The following PLEKHA8 variants were observed in gnomAD, a reference collection of about 807,000 sequenced individuals.
PLEKHA8 encodes the protein pleckstrin homology domain-containing family A member 8.
In PLEKHA8, 36 loss-of-function variants were observed where a neutral mutation model predicts 68.2. That is an observed-to-expected ratio of 0.53 (90% confidence interval 0.40 to 0.70). PLEKHA8 has a LOEUF of 0.70. Among genes scored for constraint, PLEKHA8 ranks in the 30% least tolerant of loss-of-function variants. The pLI is 0.00. For missense variants in PLEKHA8, 505 were observed against 615.4 expected, an observed-to-expected ratio of 0.82 and a Z score of 1.90; for synonymous variants, 211 against 216.1, an observed-to-expected ratio of 0.98 and a Z score of 0.20.
intron 13 of PLEKHA8, 140 bp from the exon 14 acceptor site, chr7:30,078,450 G>C: frequency 1.2e-6 from 1 of 850,436 alleles, no homozygotes; most frequent in Non-Finnish European, 1.8e-6. Context: ...CAAATTAGAA[G>C]GGTAGTCATA....
At position 30,081,346 on chromosome 7, in the gene PLEKHA8, G is replaced by C. The variant is rs939518997; in HGVS notation, c.*2559G>C. 1.1e-5 allele frequency: 11 copies of C among 982,842 alleles called. No homozygotes were observed. The Admixed American group carries it at 6.8e-4, about 61-fold the overall frequency. 60.9% of individuals were successfully genotyped at this position (982,842 alleles called of 1,614,324 possible). A position where few individuals can be genotyped will look rare whatever the true frequency, so the allele number is the denominator to read the frequency against. On this transcript the variant is annotated 3_prime_UTR_variant, in exon 14 of 14. Coordinates refer to ENST00000449726, the MANE Select transcript of PLEKHA8 (RefSeq NM_001197026.2). The stretch of plus-strand genomic sequence containing the variant: ...TGTGTAAAAGTTTGCTTAAGGAACT[G>C]AGGATCCTTAAATAAAAATATTAGA...
chr7:30,049,430 T>C (rs768149161), intron 5 of PLEKHA8, 48 bp downstream of exon 5: 1 of 1,595,300 alleles, frequency 6.3e-7, no homozygotes, highest in African/African-American at 1.3e-5. Context: ...AAGAAAAGTT[T>C]CAAAGTTTAT....
intron 12 of PLEKHA8, among the ~76,000 whole-genome samples, chr7:30,070,651 A>G (rs746548869): frequency 2.6e-5 from 4 of 151,678 alleles, no homozygotes; most frequent in Admixed American, 2.0e-4. Context: ...GGTTCAAGCA[A>G]TTCTCTGCCT....
At chr7:30,056,377 CATAT>C (rs1426324825) in intron 9 of PLEKHA8, among the ~76,000 whole-genome samples, 1 of 92,704 alleles carries the variant, frequency 1.1e-5, no homozygotes, top group Non-Finnish European at 2.1e-5. Flanking sequence ...ATATAAATAA[CATAT>C]ATATAATATA....
At chr7:30,126,417 T>C (rs756307552) in intron 13 of PLEKHA8, among the ~76,000 whole-genome samples, 1 of 152,240 alleles carries the variant, frequency 6.6e-6, no homozygotes, top group Non-Finnish European at 1.5e-5. Context: ...CCTAAGATCC[T>C]CAGGACAAGA....
intron 13 of PLEKHA8, among the ~76,000 whole-genome samples, chr7:30,127,070 A>G (rs1796784428): frequency 6.6e-6 from 1 of 152,238 alleles, no homozygotes; most frequent in Non-Finnish European, 1.5e-5. Flanking sequence ...GTAAAAGCTC[A>G]ATAAGAATAT....
intron 4 of PLEKHA8, among the ~76,000 whole-genome samples, chr7:30,048,762 T>C (rs1029856138): frequency 6.6e-6 from 1 of 152,030 alleles, no homozygotes; most frequent in Non-Finnish European, 1.5e-5. Flanking sequence ...AAAGGTGATT[T>C]AACCCACTTG....
chr7:30,031,935 G>A (rs769891897), intron 1 of PLEKHA8, among the ~76,000 whole-genome samples: 1 of 151,504 alleles, frequency 6.6e-6, no homozygotes, highest in Admixed American at 6.6e-5. Context: ...AATGCTAAGC[G>A]TATTCAGGTA....
chr7:30,124,624 G>A (rs1796743643), intron 13 of PLEKHA8, among the ~76,000 whole-genome samples: 1 of 152,048 alleles, frequency 6.6e-6, no homozygotes, highest in South Asian at 2.1e-4. Flanking sequence ...TACTTGCTGT[G>A]TAATCTGCCT....
exon 14 of PLEKHA8, chr7:30,129,351 C>A: frequency 6.2e-7 from 1 of 1,611,978 alleles, no homozygotes; most frequent in Non-Finnish European, 8.5e-7. Flanking sequence ...ACACTAAGGA[C>A]GGTAAAGCAG....
chr7:30,105,550 A>G (rs958742761), intron 13 of PLEKHA8, among the ~76,000 whole-genome samples: 10 of 152,224 alleles, frequency 6.6e-5, no homozygotes, highest in African/African-American at 2.4e-4. Context: ...ATCCAGTTCA[A>G]ATAGCCAGAT....
intron 4 of PLEKHA8, among the ~76,000 whole-genome samples, chr7:30,048,318 T>C (rs1445797851): frequency 2.6e-5 from 4 of 152,224 alleles, no homozygotes; most frequent in Admixed American, 2.6e-4. Context: ...CAGTTTATAT[T>C]GTTTTGTTAA....
At chr7:30,049,410 A>G in intron 5 of PLEKHA8, 28 bp downstream of exon 5, 2 of 1,604,648 alleles carry the variant, frequency 1.2e-6, no homozygotes, top group Non-Finnish European at 1.7e-6. Context: ...TTTGGCTGCA[A>G]CAAGGCATCA....
At position 30,117,705 on chromosome 7, in the gene PLEKHA8, T is replaced by G. The variant is rs555228112; in HGVS notation, c.1363-11561T>G. ...CCTGTGTGACAGAGCAAGACCCCCCTCCAGAAAAAAATTAAAATCTTTAAA... is the reference window on the plus strand; with the variant it reads ...CCTGTGTGACAGAGCAAGACCCCCCGCCAGAAAAAAATTAAAATCTTTAAA... On this transcript the variant is annotated intron_variant, in intron 13 of 13. Transcript: ENST00000396257. 8.6e-5 allele frequency among the ~76,000 whole-genome samples: 13 copies of G among 152,000 alleles called. No homozygotes were observed. In the East Asian group the frequency reaches 2.5e-3, roughly 29 times the overall value.
At position 30,028,460 on chromosome 7, in the gene PLEKHA8, G is replaced by A. The variant is rs1790370687; in HGVS notation, c.-303G>A. ...ACCGGCAGCTCGTTCGCCGCACTTTGGAGGCTTCGGCTGCCCCTCCGACCC... is the reference window on the plus strand; with the variant it reads ...ACCGGCAGCTCGTTCGCCGCACTTTAGAGGCTTCGGCTGCCCCTCCGACCC... On this transcript the variant is annotated 5_prime_UTR_variant, in exon 1 of 14. Transcript: ENST00000449726. 2 of 315,236 alleles carry A rather than the reference G, an allele frequency of 6.3e-6. No individual in the cohort carries two copies. The allele number at this position is 315,236 out of a possible 1,614,324, so 19.5% of individuals were successfully genotyped here.
At position 30,079,114 on chromosome 7, in the gene PLEKHA8, T is replaced by C. The variant is rs544527706; in HGVS notation, c.*327T>C. On this transcript the variant is annotated 3_prime_UTR_variant, in exon 14 of 14. Coordinates refer to ENST00000449726, the MANE Select transcript of PLEKHA8 (RefSeq NM_001197026.2). ...GTATTGTTTTTATATTTTAGTCTAA[T>C]GGGCCACCCAAACCCAAGCTGAAAA... 6.7e-5 allele frequency: 69 copies of C among 1,036,480 alleles called. 1 individual carries two copies. The African/African-American group carries it at 1.1e-3, about 17-fold the overall frequency. 64.2% of individuals were successfully genotyped at this position (1,036,480 alleles called of 1,614,324 possible).
At position 30,081,577 on chromosome 7, in the gene PLEKHA8, G is replaced by A. The variant is rs940275016; in HGVS notation, c.*2790G>A. 1.0e-6 allele frequency: 1 copy of A among 985,168 alleles called. No individual in the cohort carries two copies. The highest frequency in any genetic ancestry group is 1.2e-6 in the Non-Finnish European group (1 of 829,718). The allele number at this position is 985,168 out of a possible 1,614,324, so 61.0% of individuals were successfully genotyped here. On this transcript the variant is annotated 3_prime_UTR_variant, in exon 14 of 14. Transcript: ENST00000449726. The stretch of plus-strand genomic sequence containing the variant: ...CTCCATAGCCCTCCAAGACTTCTGG[G>A]ACAACTAAATTTACTTTCACCATTA...
At chr7:30,075,196 C>T (rs1794537254) in intron 13 of PLEKHA8, 1 of 152,116 alleles carries the variant, frequency 6.6e-6, no homozygotes, top group African/African-American at 2.4e-5. Flanking sequence ...GAAGAATGTA[C>T]ACTACAACAA....
chr7:30,111,064 A>C (rs1306856262), intron 13 of PLEKHA8, among the ~76,000 whole-genome samples: 1 of 151,686 alleles, frequency 6.6e-6, no homozygotes, highest in African/African-American at 2.4e-5. Flanking sequence ...ACCACCATGC[A>C]TGGCTAATTT....
Sources: gnomAD v4.1 joint callset for allele counts (sites outside exome capture counted in the v4.1 genomes callset) on GRCh38, gnomAD v4.1.1 for gene constraint, MANE v1.5 for transcripts, NCBI Gene and HGNC (gene_info 2026-07-23, HGNC 2026-07-21) for gene names.